UMAD1: variants seen among roughly 807,000 people sequenced by gnomAD.
UMAD1 encodes UBAP1-MVB12-associated (UMA)-domain containing protein 1.
UMAD1 carries 8 observed loss-of-function variants against 6.1 expected under a neutral mutation model. The observed-to-expected ratio is 1.30, with a 90% confidence interval of 0.76 to 2.35. The LOEUF (loss-of-function observed/expected upper bound fraction) is 2.35, where lower values mean the gene tolerates loss of function less well. UMAD1 is among the 30% of genes most tolerant of loss of function. The pLI, the probability that UMAD1 is intolerant of heterozygous loss-of-function variation, is 0.00. For synonymous variants in UMAD1, 56 were observed against 31.4 expected, an observed-to-expected ratio of 1.78 and a Z score of -2.61; for missense variants, 130 against 78.4, an observed-to-expected ratio of 1.66 and a Z score of -2.49.
chr7:7,795,614 T>C (rs372155385), intron 2 of UMAD1, among the ~76,000 whole-genome samples: 117 of 152,312 alleles, frequency 7.7e-4, no homozygotes, highest in African/African-American at 2.7e-3. Flanking sequence ...TATTTATTGA[T>C]TATATGCTAA....
chr7:7,686,938 T>C (rs536449660), intron 2 of UMAD1, among the ~76,000 whole-genome samples: 78 of 152,328 alleles, frequency 5.1e-4, no homozygotes, highest in African/African-American at 1.9e-3. Flanking sequence ...GATGATTATG[T>C]AGAATTCTAG....
chr7:7,764,139 G>C (rs776446048), intron 2 of UMAD1, among the ~76,000 whole-genome samples: 2 of 152,168 alleles, frequency 1.3e-5, no homozygotes, highest in Admixed American at 6.5e-5. Context: ...CAGCAAAGCA[G>C]ATATGAGGTT....
chr7:7,878,367 G>C lies in UMAD1; in HGVS notation c.*829G>C, dbSNP rs1309829978. 6.6e-6 allele frequency: 1 copy of C among 152,166 alleles called. No individual in the cohort carries two copies. The highest frequency in any genetic ancestry group is 6.5e-5 in the Admixed American group (1 of 15,274). 9.4% of individuals were successfully genotyped at this position (152,166 alleles called of 1,614,324 possible). ...CTCCTGAAGAAAAACATCTCATGAT[G>C]ATACATATTATTGCTGATAACACCC... On this transcript the variant is annotated 3_prime_UTR_variant, in exon 4 of 4. Transcript: ENST00000682710.
chr7:7,816,424 A>G (rs1783128184), intron 3 of UMAD1, among the ~76,000 whole-genome samples: 1 of 152,180 alleles, frequency 6.6e-6, no homozygotes, highest in Admixed American at 6.5e-5. Context: ...TCTATAAAAG[A>G]TTGCTGCTGT....
At chr7:7,663,793 G>A (rs2115094428) in intron 1 of UMAD1, among the ~76,000 whole-genome samples, 1 of 152,214 alleles carries the variant, frequency 6.6e-6, no homozygotes, top group South Asian at 2.1e-4. Context: ...TTTACCAGAA[G>A]CATTTTTATG....
intron 1 of UMAD1, among the ~76,000 whole-genome samples, chr7:7,657,049 C>G (rs1304163931): frequency 6.6e-6 from 1 of 152,160 alleles, no homozygotes; most frequent in Non-Finnish European, 1.5e-5. Context: ...TTTTGATTTG[C>G]ATTTCTCTAA....
chr7:7,809,386 C>G (rs370708031), intron 3 of UMAD1, among the ~76,000 whole-genome samples: 1 of 151,804 alleles, frequency 6.6e-6, no homozygotes, highest in Admixed American at 6.6e-5. Context: ...AAAGTTGATT[C>G]TTTTGTTCAT....
At chr7:7,805,778 T>C (rs914347130) in intron 3 of UMAD1, among the ~76,000 whole-genome samples, 2 of 152,214 alleles carry the variant, frequency 1.3e-5, no homozygotes, top group African/African-American at 4.8e-5. Context: ...GAGCTTCACT[T>C]GGCTTCCTCC....
At chr7:7,736,289 G>T (rs1251728925) in intron 2 of UMAD1, 1 of 152,436 alleles carries the variant, frequency 6.6e-6, no homozygotes, top group Non-Finnish European at 1.5e-5. Flanking sequence ...TTGGATTTTT[G>T]CAGCTCTATT....
At chr7:7,789,623 C>CCCCA (rs112711017) in intron 2 of UMAD1, among the ~76,000 whole-genome samples, 12 of 145,954 alleles carry the variant, frequency 8.2e-5, no homozygotes, top group African/African-American at 2.3e-4. Context: ...CCCTTCTCCC[C>CCCCA]TCCCCACAGA....
intron 3 of UMAD1, among the ~76,000 whole-genome samples, chr7:7,861,298 A>T (rs991895661): frequency 6.6e-6 from 1 of 152,234 alleles, no homozygotes; most frequent in Non-Finnish European, 1.5e-5. Context: ...TAGCCATGAA[A>T]TGAAATAATA....
At chr7:7,672,020 CCTT>C (rs1779618237) in intron 1 of UMAD1, among the ~76,000 whole-genome samples, 1 of 152,132 alleles carries the variant, frequency 6.6e-6, no homozygotes, top group Non-Finnish European at 1.5e-5. Context: ...GGGTTCATAT[CCTT>C]CTCTGATCTA....
At chr7:7,853,229 T>C (rs754793589) in intron 3 of UMAD1, among the ~76,000 whole-genome samples, 7 of 152,206 alleles carry the variant, frequency 4.6e-5, no homozygotes, top group Non-Finnish European at 5.9e-5. Context: ...ATGACTAATA[T>C]TGCCTAAAAT....
chr7:7,788,492 A>G (rs1225988563), intron 2 of UMAD1, among the ~76,000 whole-genome samples: 1 of 151,984 alleles, frequency 6.6e-6, no homozygotes, highest in Non-Finnish European at 1.5e-5. Context: ...TTGCTTTTAT[A>G]CCTTTCTATA....
intron 3 of UMAD1, among the ~76,000 whole-genome samples, chr7:7,829,197 A>G (rs1158358067): frequency 6.6e-6 from 1 of 152,180 alleles, no homozygotes; most frequent in Non-Finnish European, 1.5e-5. Flanking sequence ...GGTGATAAGG[A>G]TAAATTATTT....
At chr7:7,859,793 A>G (rs1563266123) in intron 3 of UMAD1, among the ~76,000 whole-genome samples, 1 of 152,232 alleles carries the variant, frequency 6.6e-6, no homozygotes, top group Non-Finnish European at 1.5e-5. Flanking sequence ...ATCCTGGAAA[A>G]AGATGACCTT....
At position 7,878,286 on chromosome 7, in the gene UMAD1, T is replaced by C. The variant is rs1394593549; in HGVS notation, c.*748T>C. The stretch of plus-strand genomic sequence containing the variant: ...TGCCTCGGTTGCCATTTGCTCTCCT[T>C]ACCACATATGTTCCCAGTTTATGAA... On this transcript the variant is annotated 3_prime_UTR_variant, in exon 4 of 4. Transcript: ENST00000682710. 6.6e-6 allele frequency: 1 copy of C among 152,366 alleles called. No individual in the cohort carries two copies. Among genetic ancestry groups the C allele is most frequent in the African/African-American group, 2.4e-5 (1 of 41,464 alleles). 9.4% of individuals were successfully genotyped at this position (152,366 alleles called of 1,614,324 possible). A position where few individuals can be genotyped will look rare whatever the true frequency, so the allele number is the denominator to read the frequency against.
chr7:7,872,251 A>G (rs1029098180), intron 3 of UMAD1, among the ~76,000 whole-genome samples: 3 of 152,138 alleles, frequency 2.0e-5, no homozygotes, highest in Non-Finnish European at 2.9e-5. Context: ...TTTGTTTCCC[A>G]CTACATATAA....
intron 2 of UMAD1, among the ~76,000 whole-genome samples, chr7:7,764,678 T>C (rs1262208301): frequency 1.3e-5 from 2 of 152,246 alleles, no homozygotes; most frequent in South Asian, 4.1e-4. Context: ...GTTTTAACAA[T>C]GAGGTCATAT....
Sources: gnomAD v4.1 joint callset for allele counts (sites outside exome capture counted in the v4.1 genomes callset) on GRCh38, gnomAD v4.1.1 for gene constraint, MANE v1.5 for transcripts, NCBI Gene and HGNC (gene_info 2026-07-23, HGNC 2026-07-21) for gene names.